POLK: variants seen among roughly 807,000 people sequenced by gnomAD.
The protein encoded by POLK is polymerase (DNA directed) kappa.
POLK carries 76 observed loss-of-function variants against 94.0 expected under a neutral mutation model. That is an observed-to-expected ratio of 0.81 (90% CI 0.67 to 0.98). The LOEUF is 0.98. POLK is among the 50% of genes least tolerant of loss of function. The pLI is 0.00. For synonymous variants in POLK, 349 were observed against 325.4 expected (o/e 1.07, Z -0.78); for missense variants, 954 against 1,010.1 (o/e 0.94, Z 0.75).
intron 10 of POLK, among the ~76,000 whole-genome samples, chr5:75,589,386 C>T (rs1258224574): frequency 6.8e-5 from 7 of 102,194 alleles, no homozygotes; most frequent in Non-Finnish European, 3.9e-5. Flanking sequence ...TATATACACA[C>T]ATACACACAC....
exon 3 of POLK, chr5:75,552,562 A>C (rs1770386290): frequency 1.2e-6 from 2 of 1,611,384 alleles, no homozygotes; most frequent in South Asian, 2.2e-5. Context: ...TCAAATCACC[A>C]GCCAACAGCT....
At chr5:75,538,493 T>C (rs1439083156) in intron 1 of POLK, 3 of 152,184 alleles carry the variant, frequency 2.0e-5, no homozygotes, top group Non-Finnish European at 2.9e-5. Flanking sequence ...CATTAGTGTT[T>C]TTTGAAACTT....
intron 2 of POLK, among the ~76,000 whole-genome samples, chr5:75,548,146 T>A (rs967530762): frequency 6.6e-6 from 1 of 152,172 alleles, no homozygotes; most frequent in Non-Finnish European, 1.5e-5. Flanking sequence ...AGTCTTGATC[T>A]GCTGGCCTCA....
At chr5:75,566,534 G>A (rs1313437391) in intron 3 of POLK, among the ~76,000 whole-genome samples, 1 of 152,206 alleles carries the variant, frequency 6.6e-6, no homozygotes, top group Non-Finnish European at 1.5e-5. Flanking sequence ...AGGTTGTGAA[G>A]ACAGTGGGAA....
chr5:75,566,405 TG>T (rs1435790539), intron 3 of POLK, among the ~76,000 whole-genome samples: 4 of 152,100 alleles, frequency 2.6e-5, no homozygotes, highest in African/African-American at 9.7e-5. Context: ...CAGGCACCAC[TG>T]GGGTATGAAA....
At chr5:75,604,397 G>C (rs1773370077), downstream of POLK, among the ~76,000 whole-genome samples, 2 of 152,100 alleles carry the variant, frequency 1.3e-5, no homozygotes. Flanking sequence ...GTTGTTTTTA[G>C]AGACAAGGTC....
At chr5:75,552,474 G>C (rs754178227) in exon 3 of POLK, 1 of 1,610,666 alleles carries the variant, frequency 6.2e-7, no homozygotes, top group Non-Finnish European at 8.5e-7. Flanking sequence ...CTCCATAGGG[G>C]TCCAGATTTT....
At chr5:75,520,703 C>T (rs1580908826) in intron 1 of POLK, among the ~76,000 whole-genome samples, 2 of 152,190 alleles carry the variant, frequency 1.3e-5, no homozygotes, top group Non-Finnish European at 2.9e-5. Context: ...CTGTAATAGA[C>T]TAGCAATGAG....
chr5:75,594,677 T>C (rs1772973300), intron 12 of POLK, among the ~76,000 whole-genome samples: 1 of 152,262 alleles, frequency 6.6e-6, no homozygotes, highest in Admixed American at 6.5e-5. Flanking sequence ...TAAAGACTGA[T>C]GACATTAATT....
chr5:75,588,653 A>T (rs1772596903), intron 10 of POLK, among the ~76,000 whole-genome samples: 1 of 152,196 alleles, frequency 6.6e-6, no homozygotes, highest in Admixed American at 6.5e-5. Context: ...AACAAAACAA[A>T]TTTATTCTCT....
chr5:75,548,912 G>A (rs981474590), intron 2 of POLK, among the ~76,000 whole-genome samples: 4 of 152,078 alleles, frequency 2.6e-5, no homozygotes, highest in African/African-American at 9.7e-5. Flanking sequence ...AGGAATTATT[G>A]TTAATTTCAT....
downstream of POLK, among the ~76,000 whole-genome samples, chr5:75,604,253 T>G (rs1184876639): frequency 1.3e-5 from 2 of 152,162 alleles, no homozygotes; most frequent in Non-Finnish European, 2.9e-5. Context: ...TATTATACTG[T>G]GTCGTTTTGG....
chr5:75,596,722 G>GCTT, exon 13 of POLK: 6 of 1,613,684 alleles, frequency 3.7e-6, no homozygotes, highest in Non-Finnish European at 5.1e-6. Flanking sequence ...AAATGTTCCT[G>GCTT]CTTCTTCACT....
chr5:75,602,421 T>A (rs1773315409), downstream of POLK, among the ~76,000 whole-genome samples: 1 of 152,108 alleles, frequency 6.6e-6, no homozygotes. Flanking sequence ...CGAGCTCAGG[T>A]CATTTCCCAG....
chr5:75,607,312 CA>C, the POLK span, among the ~76,000 whole-genome samples: 316 of 152,054 alleles, frequency 2.1e-3, 1 homozygote, highest in East Asian at 0.027. Flanking sequence ...ACTCAAAATA[CA>C]AAAAAGTAGC....
intron 11 of POLK, 190 bp downstream of exon 11, chr5:75,590,630 G>C: frequency 3.7e-6 from 2 of 535,404 alleles, no homozygotes; most frequent in Non-Finnish European, 6.7e-6. Context: ...TCTGTGATGA[G>C]GTGATTCTAT....
At chr5:75,511,890 TGTA>T in exon 1 of POLK, 1 of 1,454,396 alleles carries the variant, frequency 6.9e-7, no homozygotes, top group South Asian at 1.3e-5. Flanking sequence ...TCCTGGGAGT[TGTA>T]GTCGCGATCC....
At chr5:75,540,472 A>AT (rs2112607647) in intron 1 of POLK, among the ~76,000 whole-genome samples, 1 of 151,882 alleles carries the variant, frequency 6.6e-6, no homozygotes, top group South Asian at 2.1e-4. Flanking sequence ...ACACCTGGCT[A>AT]TTTTTTTGTG....
intron 3 of POLK, among the ~76,000 whole-genome samples, chr5:75,566,568 G>C (rs1047525158): frequency 6.6e-6 from 1 of 152,204 alleles, no homozygotes; most frequent in Non-Finnish European, 1.5e-5. Flanking sequence ...AGGCTGGATA[G>C]CACCATCCCT....
Sources: gnomAD v4.1 joint callset for allele counts (sites outside exome capture counted in the v4.1 genomes callset) on GRCh38, gnomAD v4.1.1 for gene constraint, MANE v1.5 for transcripts, NCBI Gene and HGNC (gene_info 2026-07-23, HGNC 2026-07-21) for gene names.